The following GREB1L variants were observed in gnomAD, a reference collection of about 807,000 sequenced individuals.
GREB1L encodes the protein GREB1 like retinoic acid receptor coactivator.
A neutral mutation model predicts 200.8 loss-of-function variants in GREB1L; 17 were observed. That is an observed-to-expected ratio of 0.08 (90% CI 0.06 to 0.13). GREB1L has a LOEUF of 0.13. Ranked by LOEUF, GREB1L falls within the 10% of genes least tolerant of loss-of-function variation. The pLI is 1.00. For synonymous variants in GREB1L, 789 were observed against 893.0 expected, an observed-to-expected ratio of 0.88 and a Z score of 2.08; for missense variants, 1,657 against 2,367.7, an observed-to-expected ratio of 0.70 and a Z score of 6.23.
intron 11 of GREB1L, among the ~76,000 whole-genome samples, chr18:21,447,086 C>T (rs1179473361): frequency 1.3e-5 from 2 of 152,014 alleles, no homozygotes; most frequent in African/African-American, 2.4e-5. Flanking sequence ...ATCAAGCTTG[C>T]GAAAGTGGAG....
intron 1 of GREB1L, among the ~76,000 whole-genome samples, chr18:21,278,713 A>C (rs1042909176): frequency 6.6e-6 from 1 of 152,154 alleles, no homozygotes; most frequent in African/African-American, 2.4e-5. Flanking sequence ...AAAAATTATG[A>C]TTTTCAGAGT....
chr18:21,278,385 AAAAAAAATAAATAAATAAAT>A (rs1186688018), intron 1 of GREB1L, among the ~76,000 whole-genome samples: 1 of 127,400 alleles, frequency 7.8e-6, no homozygotes, highest in African/African-American at 3.7e-5. Flanking sequence ...CATCTCAAAA[AAAAAAAATAAATAAATAAAT>A]AAATAAATAA....
intron 1 of GREB1L, among the ~76,000 whole-genome samples, chr18:21,243,188 C>G (rs1195202280): frequency 2.0e-5 from 3 of 152,068 alleles, no homozygotes; most frequent in African/African-American, 7.2e-5. Context: ...TAAAGGAAAT[C>G]CATTCCCGCC....
chr18:21,451,857 T>C (rs926227867), intron 13 of GREB1L, among the ~76,000 whole-genome samples: 2 of 152,098 alleles, frequency 1.3e-5, no homozygotes, highest in Non-Finnish European at 2.9e-5. Flanking sequence ...TCAAGAGAGA[T>C]ACAACATGTG....
At chr18:21,308,851 C>T (rs919133545) in intron 1 of GREB1L, among the ~76,000 whole-genome samples, 2 of 152,170 alleles carry the variant, frequency 1.3e-5, no homozygotes, top group Non-Finnish European at 2.9e-5. Flanking sequence ...CAGAAATCAT[C>T]AGCTTGTTTA....
Position 21,460,279 on chromosome 18 carries a change from A to G in GREB1L, c.2182+5716A>G, listed in dbSNP as rs2034986196. On this transcript the variant is annotated intron_variant, in intron 15 of 32. Coordinates refer to ENST00000424526, the MANE Select transcript of GREB1L (RefSeq NM_001142966.3). ...AACCTCCACCTCCCAGGTTCAAGCA[A>G]TTCTTCTACCTCAGCCTCCCGAGTA... Among the ~76,000 whole-genome samples the G allele has an allele frequency of 3.9e-5, 6 of 152,154 alleles. No individual in the cohort carries two copies. The South Asian group carries it at 1.2e-3, about 32-fold the overall frequency.
intron 8 of GREB1L, among the ~76,000 whole-genome samples, 182 bp downstream of exon 8, chr18:21,439,819 G>T (rs2033796404): frequency 6.6e-6 from 1 of 152,202 alleles, no homozygotes; most frequent in Non-Finnish European, 1.5e-5. Flanking sequence ...ATTCTATGTG[G>T]ATGACCTAAC....
rs1264552809 is a variant in GREB1L, at chr18:21,402,648, A to G, written c.710-1224A>G. Among the ~76,000 whole-genome samples, 3 of 151,696 alleles carry G rather than the reference A, an allele frequency of 2.0e-5. No individual in the cohort carries two copies. In the East Asian group the frequency reaches 5.8e-4, roughly 29 times the overall value. On this transcript the variant is annotated intron_variant, in intron 6 of 32. Transcript: ENST00000424526. Reference sequence around the variant, plus strand: ...AGTGATCCTCTTACCTCAGCCTCACAAGGAGCTGGGACTACAGATACACAC... The same window carrying G: ...AGTGATCCTCTTACCTCAGCCTCACGAGGAGCTGGGACTACAGATACACAC...
intron 16 of GREB1L, among the ~76,000 whole-genome samples, chr18:21,476,219 G>A (rs2145721491): frequency 6.6e-6 from 1 of 152,244 alleles, no homozygotes; most frequent in South Asian, 2.1e-4. Context: ...AGGAGATGCT[G>A]AGGTTAGGAA....
In GREB1L at chr18:21,506,062, G is replaced by C. The variant is rs367946039; in HGVS notation, c.4368+113G>C. The stretch of plus-strand genomic sequence containing the variant: ...CCCTAGTTTCAGGCCTCTGGTAAAG[G>C]ATAGTTTACTCATAAGAAGGAGCCA... On this transcript the variant is annotated intron_variant, in intron 25 of 32. Coordinates refer to ENST00000424526, the MANE Select transcript of GREB1L (RefSeq NM_001142966.3). 7.8e-5 allele frequency: 89 copies of C among 1,134,410 alleles called. No homozygotes were observed. The East Asian group carries it at 1.5e-3, about 19-fold the overall frequency. 70.3% of individuals were successfully genotyped at this position (1,134,410 alleles called of 1,614,324 possible). A position where few individuals can be genotyped will look rare whatever the true frequency, so the allele number is the denominator to read the frequency against.
chr18:21,339,696 G>A (rs2145132940), intron 1 of GREB1L, among the ~76,000 whole-genome samples: 1 of 152,324 alleles, frequency 6.6e-6, no homozygotes, highest in Non-Finnish European at 1.5e-5. Context: ...GCAGTTCTGA[G>A]ATGTTGTTTA....
At chr18:21,417,675 G>T (rs886876402) in intron 7 of GREB1L, among the ~76,000 whole-genome samples, 3 of 151,948 alleles carry the variant, frequency 2.0e-5, no homozygotes, top group African/African-American at 7.2e-5. Flanking sequence ...ATGAAAATCC[G>T]AATCTTTACA....
intron 1 of GREB1L, among the ~76,000 whole-genome samples, chr18:21,268,522 TACACACACACACAC>T (rs773384876): frequency 5.4e-4 from 35 of 65,162 alleles, no homozygotes; most frequent in Admixed American, 4.7e-3. Context: ...TATATATATA[TACACACACACACAC>T]ACACACACAC....
At chr18:21,411,755 TA>T (rs745737574) in intron 7 of GREB1L, among the ~76,000 whole-genome samples, 98 of 151,830 alleles carry the variant, frequency 6.5e-4, no homozygotes, top group Admixed American at 1.4e-3. Flanking sequence ...TCGTTAAAAA[TA>T]GAATGGGGGC....
At chr18:21,448,720 G>T (rs2034368092) in intron 11 of GREB1L, among the ~76,000 whole-genome samples, 1 of 152,180 alleles carries the variant, frequency 6.6e-6, no homozygotes. Flanking sequence ...TAAACTAAAT[G>T]TTGAAATCTT....
At chr18:21,458,763 C>T (rs1417130487) in intron 15 of GREB1L, among the ~76,000 whole-genome samples, 2 of 152,102 alleles carry the variant, frequency 1.3e-5, no homozygotes, top group African/African-American at 2.4e-5. Context: ...GTTTGCGTAA[C>T]GTAGACTTGT....
chr18:21,248,004 A>G (rs868522443), intron 1 of GREB1L, among the ~76,000 whole-genome samples: 1 of 152,224 alleles, frequency 6.6e-6, no homozygotes. Flanking sequence ...GTATTCTCCT[A>G]ATAGTTAAAT....
intron 1 of GREB1L, among the ~76,000 whole-genome samples, chr18:21,268,560 C>CACACATATATATATATATATAT (rs1204514384): frequency 1.6e-5 from 1 of 63,532 alleles, no homozygotes; most frequent in African/African-American, 7.5e-5. Context: ...CACACACACA[C>CACACATATATATATATATATAT]ATATATATAT....
intron 1 of GREB1L, among the ~76,000 whole-genome samples, chr18:21,283,094 G>A (rs1163662967): frequency 6.6e-6 from 1 of 152,038 alleles, no homozygotes; most frequent in East Asian, 1.9e-4. Flanking sequence ...TTCCTAGAAA[G>A]TCTCCACTTC....
Sources: allele counts gnomAD v4.1 joint callset (sites outside exome capture counted in the v4.1 genomes callset), GRCh38; gene constraint gnomAD v4.1.1; transcripts MANE v1.5; gene names NCBI Gene and HGNC (gene_info 2026-07-23, HGNC 2026-07-21).